Variants in ARMC9 observed in about 807,000 individuals in gnomAD.
ARMC9 encodes the protein lisH domain-containing protein ARMC9.
Under a neutral mutation model 107.0 loss-of-function variants are expected in ARMC9, and 94 were observed. The observed-to-expected ratio is 0.88, with a 90% CI of 0.74 to 1.04. The LOEUF (loss-of-function observed/expected upper bound fraction) is 1.04, where lower values mean the gene tolerates loss of function less well. ARMC9 is among the 50% of genes least tolerant of loss of function. The pLI is 0.00. For synonymous variants in ARMC9, 380 were observed against 396.9 expected, an observed-to-expected ratio of 0.96 and a Z score of 0.51; for missense variants, 942 against 1,030.1, an observed-to-expected ratio of 0.91 and a Z score of 1.17.
chr2:231,201,872 A>G (rs1172502262), intron 1 of ARMC9, among the ~76,000 whole-genome samples: 3 of 152,240 alleles, frequency 2.0e-5, no homozygotes, highest in Non-Finnish European at 4.4e-5. Context: ...TAAATGGACT[A>G]TAATACCAGC....
Position 231,360,892 on chromosome 2 carries a change from GA to G in ARMC9, c.2261+10del. 6.6e-7 allele frequency: 1 copy of G among 1,520,066 alleles called. No individual in the cohort carries two copies. Among genetic ancestry groups the G allele is most frequent in the East Asian group, 2.4e-5 (1 of 40,818 alleles). The allele number at this position is 1,520,066 out of a possible 1,614,324, so 94.2% of individuals were successfully genotyped here. ...AATGGAGTGACCACCAGGTAAGGGG[GA>G]TATCACAAGGCCTCGAACCTGACTC... On this transcript the variant is annotated intron_variant, in intron 23 of 24. Transcript: ENST00000611582. The surrounding 1 kb of genome is among the most constrained non-coding windows in gnomAD (Gnocchi z 4.7).
chr2:231,371,459 A>C lies in ARMC9; in HGVS notation c.2435-54A>C, dbSNP rs887501911. ...AGAGGGACTGAGTGGGACAGAGGGG[A>C]TTCTGTGCGGAGACCACACAGCACT... On this transcript the variant is annotated intron_variant, in intron 24 of 24. Coordinates refer to ENST00000611582, the MANE Select transcript of ARMC9 (RefSeq NM_001352754.2). The C allele has an allele frequency of 9.3e-6, 12 of 1,296,270 alleles. No homozygotes were observed. The African/African-American group carries it at 1.8e-4, about 20-fold the overall frequency. 80.3% of individuals were successfully genotyped at this position (1,296,270 alleles called of 1,614,324 possible). A position where few individuals can be genotyped will look rare whatever the true frequency, so the allele number is the denominator to read the frequency against.
intron 19 of ARMC9, among the ~76,000 whole-genome samples, chr2:231,327,878 G>A (rs537589041): frequency 2.4e-4 from 37 of 151,980 alleles, no homozygotes; most frequent in East Asian, 1.2e-3. Context: ...TCTGCCTCCC[G>A]GGCTCAAGTG....
rs995605271 is a variant in ARMC9 at position 231,373,256 on chromosome 2, C to G, written c.*1721C>G. On this transcript the variant is annotated 3_prime_UTR_variant, in exon 25 of 25. Coordinates refer to ENST00000611582, the MANE Select transcript of ARMC9 (RefSeq NM_001352754.2). The surrounding 1 kb of genome is among the most constrained non-coding windows in gnomAD (Gnocchi z 4.4). ...GCAGAGGGTCCGCAAAATGCAACTC[C>G]TCCGTGGTGAGACTTTGAAAAGGTG... The G allele has an allele frequency of 6.6e-6, 1 of 152,246 alleles. No individual in the cohort carries two copies. The highest frequency in any genetic ancestry group is 1.5e-5 in the Non-Finnish European group (1 of 68,084). The allele number at this position is 152,246 out of a possible 1,614,324, so 9.4% of individuals were successfully genotyped here.
chr2:231,236,909 C>T lies in ARMC9; in HGVS notation c.780+1528C>T, dbSNP rs149013238. On this transcript the variant is annotated intron_variant, in intron 8 of 24. Transcript: ENST00000611582. ...CAGTGAGCCAAGATTGTACTCCAGC[C>T]TGGGCAACAGCGTGAAACTGTGTCT... Among the ~76,000 whole-genome samples, 3 of 152,208 alleles carry T rather than the reference C, an allele frequency of 2.0e-5. No individual in the cohort carries two copies. The East Asian group carries it at 5.8e-4, about 29-fold the overall frequency.
At chr2:231,236,417 G>C (rs1391961263) in intron 8 of ARMC9, among the ~76,000 whole-genome samples, 1 of 152,074 alleles carries the variant, frequency 6.6e-6, no homozygotes, top group East Asian at 1.9e-4. Context: ...TCTCATTCCT[G>C]ACTCTATAAA....
intron 15 of ARMC9, 132 bp downstream of exon 15, chr2:231,276,907 A>C: frequency 7.7e-7 from 1 of 1,295,832 alleles, no homozygotes; most frequent in Non-Finnish European, 1.0e-6. Context: ...AGGAGTAGAA[A>C]GCATTTCCAA....
At chr2:231,335,681 G>A (rs1384251444) in intron 20 of ARMC9, among the ~76,000 whole-genome samples, 1 of 152,196 alleles carries the variant, frequency 6.6e-6, no homozygotes, top group Admixed American at 6.5e-5. Flanking sequence ...TTCTGCTATA[G>A]GCTGTGAACG....
intron 9 of ARMC9, among the ~76,000 whole-genome samples, chr2:231,242,932 G>A (rs1376090048): frequency 6.6e-5 from 10 of 151,876 alleles, no homozygotes; most frequent in Admixed American, 6.6e-4. Context: ...GCAACATGGT[G>A]AAAACCCATC....
intron 20 of ARMC9, among the ~76,000 whole-genome samples, chr2:231,332,872 A>G (rs1362955281): frequency 6.6e-6 from 1 of 152,160 alleles, no homozygotes; most frequent in Non-Finnish European, 1.5e-5. Context: ...TGCTTCAGTC[A>G]GTTGTTTGGA....
rs191837085 is a variant in ARMC9 at position 231,361,610 on chromosome 2, G to A, written c.2261+727G>A. 2.3e-4 allele frequency among the ~76,000 whole-genome samples: 35 copies of A among 152,132 alleles called. No homozygotes were observed. The East Asian group carries it at 5.2e-3, about 23-fold the overall frequency. ...GTCTAGAAAGGACCTTTCCAATCTC[G>A]CCAGCTCTTTCTTTTGGATCTGGAG... On this transcript the variant is annotated intron_variant, in intron 23 of 24. Transcript: ENST00000611582.
At position 231,237,781 on chromosome 2, in the gene ARMC9, A is replaced by ATT. The variant is rs142285288; in HGVS notation, c.781-2129_781-2128dup. ...TATATATATATATATATATATATATATTTTTTTTTTTTTTTTTTTTTTTTT... is the reference window on the plus strand; with the variant it reads ...TATATATATATATATATATATATATATTTTTTTTTTTTTTTTTTTTTTTTTTT... On this transcript the variant is annotated intron_variant, in intron 8 of 24. Transcript: ENST00000611582. 3.3e-4 allele frequency among the ~76,000 whole-genome samples: 9 copies of ATT among 26,964 alleles called. 1 individual carries two copies. Among genetic ancestry groups the ATT allele is most frequent in the Admixed American group, 8.2e-4 (1 of 1,226 alleles). The allele number at this position is 26,964 out of a possible 152,430, so 17.7% of individuals were successfully genotyped here.
rs985915899 is a variant in ARMC9 at position 231,322,505 on chromosome 2, T to G, written c.1774-9288T>G. Among the ~76,000 whole-genome samples the G allele has an allele frequency of 9.8e-5, 15 of 152,358 alleles. No homozygotes were observed. In the East Asian group the frequency reaches 2.9e-3, roughly 29 times the overall value. On this transcript the variant is annotated intron_variant, in intron 19 of 24. Coordinates refer to ENST00000611582, the MANE Select transcript of ARMC9 (RefSeq NM_001352754.2). ...CACATTCTGCTCTGCATTCTATCTG[T>G]AAGAATCTGAGTTTTCAAATGCATT...
intron 23 of ARMC9, among the ~76,000 whole-genome samples, chr2:231,369,109 C>T (rs1229891599): frequency 6.6e-6 from 1 of 152,140 alleles, no homozygotes; most frequent in African/African-American, 2.4e-5. Flanking sequence ...GTTCCTTAGA[C>T]ATTTTACAGG....
intron 17 of ARMC9, among the ~76,000 whole-genome samples, chr2:231,286,826 T>C (rs1574953533): frequency 6.6e-6 from 1 of 152,200 alleles, no homozygotes; most frequent in South Asian, 2.1e-4. Flanking sequence ...AATGCTATTA[T>C]AGTAATCTTA....
chr2:231,279,762 G>A (rs764769824), intron 16 of ARMC9, among the ~76,000 whole-genome samples: 40 of 151,866 alleles, frequency 2.6e-4, no homozygotes, highest in Non-Finnish European at 5.0e-4. Context: ...CACCCACCTC[G>A]GCCTCCCAAA....
chr2:231,302,401 A>G (rs1359451523), intron 19 of ARMC9, among the ~76,000 whole-genome samples: 1 of 151,030 alleles, frequency 6.6e-6, no homozygotes, highest in Non-Finnish European at 1.5e-5. Context: ...ATTTTTCAAA[A>G]CAAAATTTTA....
intron 12 of ARMC9, among the ~76,000 whole-genome samples, chr2:231,268,313 A>G (rs1015290022): frequency 2.6e-5 from 4 of 152,196 alleles, no homozygotes; most frequent in Admixed American, 6.5e-5. Context: ...TGTACATGTG[A>G]TCTGTGCAAT....
chr2:231,278,556 C>A lies in ARMC9; in HGVS notation c.1551+98C>A, dbSNP rs1037288014. ...GCACACAGCTGGCCCAGGATGGTTG[C>A]TGTATTTGAAAACTGTACATGTTCT... On this transcript the variant is annotated intron_variant, in intron 16 of 24. Transcript: ENST00000611582. 7 of 1,073,744 alleles carry A rather than the reference C, an allele frequency of 6.5e-6. No homozygotes were observed. In the African/African-American group the frequency reaches 1.1e-4, roughly 17 times the overall value. The allele number at this position is 1,073,744 out of a possible 1,614,324, so 66.5% of individuals were successfully genotyped here.
Sources: allele counts gnomAD v4.1 joint callset (sites outside exome capture counted in the v4.1 genomes callset), GRCh38; gene constraint gnomAD v4.1.1; non-coding constraint Gnocchi (gnomAD v3.1); transcripts MANE v1.5; gene names NCBI Gene and HGNC (gene_info 2026-07-23, HGNC 2026-07-21).